THADA: variants seen among roughly 807,000 people sequenced by gnomAD.
THADA encodes THADA armadillo repeat containing.
THADA carries 213 observed loss-of-function variants against 219.8 expected under a neutral mutation model. The observed-to-expected ratio is 0.97, with a 90% CI of 0.87 to 1.09. The LOEUF is 1.09. Among genes scored for constraint, THADA ranks in the 50% least tolerant of loss-of-function variants. The probability of loss-of-function intolerance (pLI) is 0.00; values close to 1 mark genes in which losing one functional copy is unlikely to be tolerated. For missense variants in THADA, 2,956 were observed against 2,311.3 expected (o/e 1.28, Z -5.72); for synonymous variants, 1,018 against 828.9 (o/e 1.23, Z -3.92).
chr2:43,305,561 T>C (rs1345210883), intron 31 of THADA, among the ~76,000 whole-genome samples: 1 of 152,172 alleles, frequency 6.6e-6, no homozygotes, highest in Non-Finnish European at 1.5e-5. Context: ...ATTTTTCAAG[T>C]GTAGGATTCC....
At chr2:43,558,415 AAG>A (rs1404334361) in intron 16 of THADA, among the ~76,000 whole-genome samples, 11 of 152,208 alleles carry the variant, frequency 7.2e-5, no homozygotes, top group Middle Eastern at 3.2e-3. Context: ...GAAGGATGCA[AAG>A]TATTGTTCCT....
chr2:43,529,617 G>A (rs955882167), intron 21 of THADA, among the ~76,000 whole-genome samples: 8 of 152,142 alleles, frequency 5.3e-5, no homozygotes, highest in East Asian at 1.9e-4. Flanking sequence ...ATTAGATTTA[G>A]TAACTATTGT....
intron 28 of THADA, among the ~76,000 whole-genome samples, chr2:43,404,636 G>A (rs910997386): frequency 2.0e-5 from 3 of 152,094 alleles, no homozygotes; most frequent in Admixed American, 2.0e-4. Context: ...CCCCACAGTA[G>A]CTCTCAGGCA....
chr2:43,382,633 A>G (rs1200841246), intron 29 of THADA, among the ~76,000 whole-genome samples: 1 of 152,240 alleles, frequency 6.6e-6, no homozygotes, highest in African/African-American at 2.4e-5. Context: ...TTAACGATAA[A>G]AGGAACAATT....
chr2:43,446,960 T>A (rs1003047531), intron 26 of THADA, among the ~76,000 whole-genome samples: 8 of 152,210 alleles, frequency 5.3e-5, no homozygotes, highest in African/African-American at 1.9e-4. Context: ...TGTCAGTATT[T>A]CTTGGCTTAT....
At chr2:43,432,487 A>G (rs1679495274) in intron 26 of THADA, among the ~76,000 whole-genome samples, 1 of 151,468 alleles carries the variant, frequency 6.6e-6, no homozygotes, top group African/African-American at 2.4e-5. Context: ...TATTATGAAT[A>G]AAGCTGCTAT....
At chr2:43,399,459 C>G (rs1674507354) in intron 28 of THADA, among the ~76,000 whole-genome samples, 2 of 152,090 alleles carry the variant, frequency 1.3e-5, no homozygotes, top group South Asian at 4.1e-4. Context: ...TTCTAATATG[C>G]CAACAGAAAT....
intron 28 of THADA, among the ~76,000 whole-genome samples, chr2:43,411,060 T>A (rs1419760995): frequency 6.6e-6 from 1 of 152,208 alleles, no homozygotes; most frequent in Non-Finnish European, 1.5e-5. Context: ...TGTGCTCTTT[T>A]AAAAAATCAA....
intron 26 of THADA, among the ~76,000 whole-genome samples, chr2:43,447,851 C>T (rs373418135): frequency 1.3e-5 from 2 of 152,134 alleles, no homozygotes; most frequent in African/African-American, 2.4e-5. Context: ...TTCCTTTGTA[C>T]TTTGGACATA....
intron 30 of THADA, among the ~76,000 whole-genome samples, chr2:43,320,926 T>A (rs995356598): frequency 2.6e-5 from 4 of 152,054 alleles, no homozygotes; most frequent in African/African-American, 9.7e-5. Context: ...GGAAAAAAAA[T>A]CAGTCATGAA....
chr2:43,594,496 A>G (rs543501493), intron 1 of THADA, among the ~76,000 whole-genome samples: 105 of 152,266 alleles, frequency 6.9e-4, no homozygotes, highest in African/African-American at 2.4e-3. Context: ...AGGCAGGAGA[A>G]TGGCTTGAAC....
intron 16 of THADA, 37 bp downstream of exon 16, chr2:43,560,197 T>G: frequency 6.4e-7 from 1 of 1,570,976 alleles, no homozygotes; most frequent in Non-Finnish European, 8.6e-7. Flanking sequence ...AAAGTTTCCA[T>G]GCATATACCA....
chr2:43,481,591 T>G (rs901466274), intron 26 of THADA, among the ~76,000 whole-genome samples: 5 of 152,238 alleles, frequency 3.3e-5, no homozygotes, highest in African/African-American at 1.2e-4. Context: ...ATCACTCACA[T>G]CACATTGTAC....
At position 43,508,696 on chromosome 2, in the gene THADA, A is replaced by G; in HGVS notation, c.3459T>C (p.Ser1153=). 1 of 1,613,766 alleles carries G rather than the reference A, an allele frequency of 6.2e-7. No individual in the cohort carries two copies. Among genetic ancestry groups the G allele is most frequent in the Non-Finnish European group, 8.5e-7 (1 of 1,179,726 alleles). Residue 1153 remains serine, a synonymous_variant, in exon 23 of 38, where the codon TCT becomes TCC. Transcript: ENST00000405975. ...CACTGCGCCTTGTAGCACAGAGTTT[A>G]GATGAAGGATCACTGCATTTAATTT... ...LEEIKCSDPS[S]KLCATRRSAG...
intron 36 of THADA, among the ~76,000 whole-genome samples, chr2:43,277,590 C>A (rs1672862125): frequency 6.6e-6 from 1 of 152,222 alleles, no homozygotes; most frequent in African/African-American, 2.4e-5. Flanking sequence ...TGCATCCATC[C>A]CTCACTGACA....
intron 22 of THADA, among the ~76,000 whole-genome samples, chr2:43,525,834 ACTAAAACCCCATGTTTGTCT>A (rs1228836680): frequency 1.3e-5 from 2 of 152,234 alleles, no homozygotes; most frequent in African/African-American, 4.8e-5. Flanking sequence ...ACAAAAGTTA[ACTAAAACCCCATGTTTGTCT>A]CTATTCCCAG....
Position 43,545,178 on chromosome 2 carries a change from A to G in THADA, c.3107-3862T>C, listed in dbSNP as rs557735693. Among the ~76,000 whole-genome samples, 3 of 151,952 alleles carry G rather than the reference A, an allele frequency of 2.0e-5. No individual in the cohort carries two copies. In the South Asian group the frequency reaches 6.2e-4, roughly 32 times the overall value. ...TCTGTTTATATCCTGGATTACATTT[A>G]TTGATTTGCATATATTGAACCAGCC... On this transcript the variant is annotated intron_variant, in intron 20 of 37. Coordinates refer to ENST00000405975, the MANE Select transcript of THADA (RefSeq NM_022065.5).
intron 7 of THADA, among the ~76,000 whole-genome samples, chr2:43,582,663 G>A (rs199765589): frequency 1.4e-4 from 20 of 139,882 alleles, no homozygotes; most frequent in Admixed American, 1.1e-3. Context: ...TCCACCTCCC[G>A]GGTTCAAGCG....
intron 36 of THADA, among the ~76,000 whole-genome samples, chr2:43,244,002 AAAGAT>A (rs1326619417): frequency 4.6e-5 from 7 of 152,340 alleles, no homozygotes; most frequent in East Asian, 1.9e-4. Context: ...ATTTAAAAGA[AAAGAT>A]AATTTCAAAA....
Sources: gnomAD v4.1 joint callset for allele counts (sites outside exome capture counted in the v4.1 genomes callset) on GRCh38, gnomAD v4.1.1 for gene constraint, MANE v1.5 for transcripts, NCBI Gene and HGNC (gene_info 2026-07-23, HGNC 2026-07-21) for gene names.